Variants in IL1RAPL1 observed in about 807,000 individuals in gnomAD.
IL1RAPL1 encodes interleukin 1 receptor accessory protein like 1.
IL1RAPL1 carries 3 observed loss-of-function variants against 48.4 expected under a neutral mutation model. That is an observed-to-expected ratio of 0.06 (90% CI 0.03 to 0.16). IL1RAPL1 has a LOEUF of 0.16. Ranked by LOEUF, IL1RAPL1 falls within the 10% of genes least tolerant of loss-of-function variation. The probability of loss-of-function intolerance (pLI) is 1.00; values close to 1 mark genes in which losing one functional copy is unlikely to be tolerated. For missense variants in IL1RAPL1, 349 were observed against 530.6 expected, an observed-to-expected ratio of 0.66 and a Z score of 3.36; for synonymous variants, 185 against 187.7, an observed-to-expected ratio of 0.99 and a Z score of 0.12.
At chrX:28,847,711 C>T (rs1382120895) in intron 2 of IL1RAPL1, among the ~76,000 whole-genome samples, 1 of 111,532 alleles carries the variant, frequency 9.0e-6, no homozygotes, top group African/African-American at 3.3e-5. Context: ...ATTCCCGCTC[C>T]CCTGCCTGTC....
chrX:29,005,952 A>T (rs1429664793), intron 2 of IL1RAPL1, among the ~76,000 whole-genome samples: 1 of 112,244 alleles, frequency 8.9e-6, no homozygotes, highest in African/African-American at 3.2e-5. Flanking sequence ...TCTTACTTAT[A>T]AACATATATG....
chrX:28,672,293 C>T (rs1934954646), intron 1 of IL1RAPL1, among the ~76,000 whole-genome samples: 1 of 111,352 alleles, frequency 9.0e-6, no homozygotes, highest in South Asian at 3.8e-4. Flanking sequence ...AGTCTTGTTA[C>T]CCTGAGAGAT....
At chrX:29,376,852 A>G (rs996381076) in intron 3 of IL1RAPL1, among the ~76,000 whole-genome samples, 5 of 112,054 alleles carry the variant, frequency 4.5e-5, no homozygotes, top group Non-Finnish European at 7.5e-5. Flanking sequence ...TGTATAGTCT[A>G]TGGTTGTTGG....
intron 1 of IL1RAPL1, among the ~76,000 whole-genome samples, chrX:28,709,556 G>T (rs1015951092): frequency 9.0e-6 from 1 of 111,207 alleles, no homozygotes; most frequent in Non-Finnish European, 1.9e-5. Context: ...TGAATGAAGG[G>T]TGTGCTATAG....
At chrX:29,591,259 A>G (rs1173315433) in intron 5 of IL1RAPL1, among the ~76,000 whole-genome samples, 1 of 112,403 alleles carries the variant, frequency 8.9e-6, no homozygotes, top group African/African-American at 3.2e-5. Flanking sequence ...ATGGCTCTCT[A>G]TAAGTAAGCA....
intron 2 of IL1RAPL1, among the ~76,000 whole-genome samples, chrX:29,069,745 C>T (rs1220600251): frequency 1.8e-5 from 2 of 110,035 alleles, no homozygotes; most frequent in South Asian, 3.9e-4. Flanking sequence ...TATCAAACAT[C>T]CAATTCTTTT....
chrX:29,803,649 G>A (rs966355171), intron 6 of IL1RAPL1, among the ~76,000 whole-genome samples: 21 of 102,564 alleles, frequency 2.0e-4, no homozygotes, highest in African/African-American at 5.4e-4. Flanking sequence ...ATATACACGC[G>A]TGTATATATA....
intron 2 of IL1RAPL1, among the ~76,000 whole-genome samples, chrX:29,221,203 T>G (rs112777544): frequency 4.6e-4 from 52 of 112,319 alleles, no homozygotes; most frequent in African/African-American, 1.6e-3. Context: ...AAGGTTCATA[T>G]ATTTCAGTTA....
At chrX:29,320,121 T>C (rs1463653291) in intron 3 of IL1RAPL1, among the ~76,000 whole-genome samples, 2 of 110,602 alleles carry the variant, frequency 1.8e-5, no homozygotes, top group East Asian at 5.6e-4. Flanking sequence ...CATAAATAAA[T>C]GCGTTGATTT....
chrX:29,750,025 C>T (rs1404789087), intron 6 of IL1RAPL1, among the ~76,000 whole-genome samples: 1 of 111,834 alleles, frequency 8.9e-6, no homozygotes, highest in Non-Finnish European at 1.9e-5. Flanking sequence ...GCATTTCTTC[C>T]TGAGCACATC....
chrX:29,111,871 G>T (rs1386829076), intron 2 of IL1RAPL1, among the ~76,000 whole-genome samples: 2 of 105,352 alleles, frequency 1.9e-5, no homozygotes, highest in African/African-American at 3.5e-5. Context: ...ATTTTCATCA[G>T]CTTTTATATT....
intron 6 of IL1RAPL1, 73 bp from the exon 7 acceptor site, chrX:29,917,391 T>C: frequency 1.1e-6 from 1 of 927,302 alleles, no homozygotes; most frequent in Non-Finnish European, 1.5e-6. Context: ...GATCAAAATG[T>C]TACCTGTCAG....
chrX:29,252,768 C>T (rs984383187), intron 2 of IL1RAPL1, among the ~76,000 whole-genome samples: 3 of 111,236 alleles, frequency 2.7e-5, no homozygotes, highest in Non-Finnish European at 3.8e-5. Flanking sequence ...AGTATACAAA[C>T]GCAGTGCTTT....
Position 28,825,698 on chromosome X carries a change from A to G in IL1RAPL1, c.82+36273A>G, listed in dbSNP as rs111411010. Among the ~76,000 whole-genome samples, 334 of 111,404 alleles carry G rather than the reference A, an allele frequency of 3.0e-3. 2 individuals carry two copies. Among genetic ancestry groups the G allele is most frequent in the African/African-American group, 0.01 (311 of 30,779 alleles). On this transcript the variant is annotated intron_variant, in intron 2 of 10. Coordinates refer to ENST00000378993, the MANE Select transcript of IL1RAPL1 (RefSeq NM_014271.4). ...TGTATAATATATAATATAATTAAGT[A>G]AATCTTCAGGTATTGAAAATGTACT...
intron 5 of IL1RAPL1, among the ~76,000 whole-genome samples, chrX:29,597,707 T>C (rs1264876211): frequency 1.8e-5 from 2 of 112,178 alleles, no homozygotes; most frequent in African/African-American, 6.5e-5. Context: ...CATTTCAATC[T>C]CACTGCTTGT....
intron 6 of IL1RAPL1, among the ~76,000 whole-genome samples, chrX:29,802,763 ATATATATATATATATATATGTGTGTGTG>A (rs1392042270): frequency 7.1e-4 from 17 of 23,891 alleles, no homozygotes; most frequent in African/African-American, 3.3e-3. Context: ...ATATATATAT[ATATATATATATATATATATGTGTGTGTG>A]TATATATATA....
chrX:29,443,449 T>C (rs1171874554), intron 5 of IL1RAPL1, among the ~76,000 whole-genome samples: 1 of 111,367 alleles, frequency 9.0e-6, no homozygotes, highest in African/African-American at 3.3e-5. Context: ...TCCAGCTCTA[T>C]TATTCGCCAT....
intron 2 of IL1RAPL1, among the ~76,000 whole-genome samples, chrX:29,039,785 C>CAAAAAAAAAAAAAAAAAA: frequency 1.6e-5 from 1 of 61,906 alleles, no homozygotes; most frequent in Non-Finnish European, 3.1e-5. Context: ...TAACAATCCT[C>CAAAAAAAAAAAAAAAAAA]AAAAAAAAAA....
chrX:29,885,332 C>A (rs932575326), intron 6 of IL1RAPL1, among the ~76,000 whole-genome samples: 2 of 112,016 alleles, frequency 1.8e-5, no homozygotes, highest in African/African-American at 6.5e-5. Flanking sequence ...CCCCATATAT[C>A]TTATCACCTT....
Sources: gnomAD v4.1 joint callset for allele counts (sites outside exome capture counted in the v4.1 genomes callset) on GRCh38, gnomAD v4.1.1 for gene constraint, MANE v1.5 for transcripts, NCBI Gene and HGNC (gene_info 2026-07-23, HGNC 2026-07-21) for gene names.